SLC6A7: variants seen among roughly 807,000 people sequenced by gnomAD.
SLC6A7 encodes the protein solute carrier family 6 member 7.
SLC6A7 carries 58 observed loss-of-function variants against 73.1 expected under a neutral mutation model. The ratio of observed to expected loss-of-function variants is 0.79; its 90% CI spans 0.64 to 0.99. SLC6A7 has a LOEUF of 0.99. Ranked by LOEUF, SLC6A7 falls within the 50% of genes least tolerant of loss-of-function variation. SLC6A7 has a pLI of 0.00. For missense variants in SLC6A7, 783 were observed against 831.4 expected (o/e 0.94, Z 0.72); for synonymous variants, 338 against 338.7 (o/e 1.00, Z 0.02).
Position 150,205,510 on chromosome 5 carries a change from C to T in SLC6A7, c.1588C>T (p.Arg530Cys), listed in dbSNP as rs757435115. The stretch of plus-strand genomic sequence containing the variant: ...CCAGCCCTCGGAGTATGGCAGTTAC[C>T]GCTTCCCGCCCTGGGCTGAGCTGCT... Reference protein sequence around the residue: ...KYQPSEYGSYRFPPWAELLGI... With the variant: ...KYQPSEYGSYCFPPWAELLGI... Residue 530 changes from arginine to cysteine, a missense_variant, in exon 13 of 14, where the codon CGC becomes TGC. Transcript: ENST00000230671. 1.6e-5 allele frequency: 26 copies of T among 1,613,318 alleles called. No homozygotes were observed. Among genetic ancestry groups the T allele is most frequent in the South Asian group, 6.6e-5 (6 of 91,008 alleles).
Position 150,196,754 on chromosome 5 carries a change from T to G in SLC6A7, c.256T>G (p.Cys86Gly). The G allele has an allele frequency of 6.2e-7, 1 of 1,614,136 alleles. No individual in the cohort carries two copies. Among genetic ancestry groups the G allele is most frequent in the Non-Finnish European group, 8.5e-7 (1 of 1,179,972 alleles). ...LVPYFLMLAICGIPLFFLELS... is the reference protein window; with the variant it reads ...LVPYFLMLAIGGIPLFFLELS... The stretch of plus-strand genomic sequence containing the variant: ...GCCCTACTTCCTCATGCTGGCCATC[T>G]GTGGCATCCCCCTCTTCTTCCTGGA... The change falls in exon 3 of 14, where the codon TGT becomes GGT. Residue 86 changes from cysteine (C) to glycine (G), a missense_variant. Coordinates refer to ENST00000230671, the MANE Select transcript of SLC6A7 (RefSeq NM_014228.5).
Position 150,190,118 on chromosome 5 carries a change from C to T in SLC6A7, c.-210C>T, listed in dbSNP as rs908464063. On this transcript the variant is annotated 5_prime_UTR_variant, in exon 1 of 14. Transcript: ENST00000230671. ...GCAGCAGTGCACCCTTCCCCAGCCT[C>T]GGGCGCTGCGCAGGGACAGACAAGG... 2.2e-6 allele frequency: 1 copy of T among 458,084 alleles called. No individual in the cohort carries two copies. The highest frequency in any genetic ancestry group is 4.5e-5 in the Admixed American group (1 of 22,274). The allele number at this position is 458,084 out of a possible 1,614,324, so 28.4% of individuals were successfully genotyped here.
intron 6 of SLC6A7, among the ~76,000 whole-genome samples, chr5:150,202,102 C>T (rs1418188954): frequency 2.0e-5 from 3 of 152,212 alleles, no homozygotes; most frequent in Admixed American, 1.3e-4. Context: ...AGCTTAGAGA[C>T]CATCTTCTAG....
rs1490242971 is a variant in SLC6A7, at chr5:150,210,014, C to A, written c.*399C>A. 8.5e-6 allele frequency: 2 copies of A among 234,616 alleles called. No individual in the cohort carries two copies. The highest frequency in any genetic ancestry group is 5.0e-5 in the Admixed American group (1 of 20,140). The allele number at this position is 234,616 out of a possible 1,614,324, so 14.5% of individuals were successfully genotyped here. ...TTCTCATCTCTATTCAGGGCCTACA[C>A]CCCTCCCTTTTTGGGGGGAGCCTGT... On this transcript the variant is annotated 3_prime_UTR_variant, in exon 14 of 14. Transcript: ENST00000230671.
In SLC6A7 at chr5:150,197,071, G is replaced by A. The variant is rs1279616885; in HGVS notation, c.379G>A (p.Gly127Ser). The A allele has an allele frequency of 1.3e-5, 21 of 1,614,064 alleles. No individual in the cohort carries two copies. Among genetic ancestry groups the A allele is most frequent in the Non-Finnish European group, 1.8e-5 (21 of 1,180,006 alleles). The change falls in exon 4 of 14, where the codon GGC (glycine) becomes AGC (serine). Residue 127 changes from glycine to serine, a missense_variant. Gly to Ser is a moderately conservative substitution (Grantham distance 56). Transcript: ENST00000230671. ...CGGCGCAGCCATGCTGCTCATCGTG[G>A]GCTTGGTGGCCATCTACTACAACAT... ...GAGAAMLLIV[G>S]LVAIYYNMII... is the part of the protein sequence containing the mutation.
At position 150,207,656 on chromosome 5, in the gene SLC6A7, G is replaced by A. The variant is rs539053373; in HGVS notation, c.1702-1750G>A. On this transcript the variant is annotated intron_variant, in intron 13 of 13. Coordinates refer to ENST00000230671, the MANE Select transcript of SLC6A7 (RefSeq NM_014228.5). The stretch of plus-strand genomic sequence containing the variant: ...TAAAGGTTCAGGATGGAGTCAGGAC[G>A]GGTTCAAATCCCAACGCCACCACTT... Among the ~76,000 whole-genome samples, 87 of 152,310 alleles carry A rather than the reference G, an allele frequency of 5.7e-4. 2 individuals are homozygous for A. The South Asian group carries it at 0.017, about 30-fold the overall frequency.
Position 150,205,624 on chromosome 5 carries a change from G to T in SLC6A7, c.1701+1G>T. The T allele has an allele frequency of 3.1e-6, 5 of 1,604,798 alleles. No homozygotes were observed. Among genetic ancestry groups the T allele is most frequent in the Non-Finnish European group, 4.3e-6 (5 of 1,175,842 alleles). ...TCGAGAAGAGGGCTCACTCTGGGAGGTGAGTCTGCCCACCCTGTCCACTCT... is the reference window on the plus strand; with the variant it reads ...TCGAGAAGAGGGCTCACTCTGGGAGTTGAGTCTGCCCACCCTGTCCACTCT... On this transcript the variant is annotated splice_donor_variant, in intron 13 of 13. Coordinates refer to ENST00000230671, the MANE Select transcript of SLC6A7 (RefSeq NM_014228.5). LOFTEE classifies it high-confidence loss of function.
intron 5 of SLC6A7, among the ~76,000 whole-genome samples, chr5:150,200,755 G>C (rs1167094279): frequency 6.6e-6 from 1 of 152,176 alleles, no homozygotes; most frequent in Non-Finnish European, 1.5e-5. Context: ...AAGAAGGAAA[G>C]AGGGAGGAGT....
At chr5:150,191,679 C>T (rs1752795515) in intron 1 of SLC6A7, among the ~76,000 whole-genome samples, 1 of 152,134 alleles carries the variant, frequency 6.6e-6, no homozygotes, top group South Asian at 2.1e-4. Context: ...ATCCGCCCGC[C>T]TCGGCCTCCC....
In SLC6A7 at chr5:150,209,510, G is replaced by T; in HGVS notation, c.1806G>T (p.Lys602Asn). 6.2e-7 allele frequency: 1 copy of T among 1,614,212 alleles called. No individual in the cohort carries two copies. Among genetic ancestry groups the T allele is most frequent in the Non-Finnish European group, 8.5e-7 (1 of 1,180,022 alleles). Residue 602 changes from lysine (K) to asparagine (N), a missense_variant, in exon 14 of 14, where the codon AAG (lysine) becomes AAT (asparagine). Coordinates refer to ENST00000230671, the MANE Select transcript of SLC6A7 (RefSeq NM_014228.5). ...VATLAGSQSP[K>N]PLMVHMRKYG... is the part of the protein sequence containing the mutation. ...CGCTGGCTGGGAGCCAGTCACCAAA[G>T]CCACTGATGGTGCACATGCGCAAGT...
rs965447156 is a variant in SLC6A7, at chr5:150,209,474, G to A, written c.1770G>A (p.Met590Ile). ...GPSLEENRTG[M>I]YVATLAGSQS... The stretch of plus-strand genomic sequence containing the variant: ...CGCTGGAGGAGAACCGGACGGGCAT[G>A]TATGTGGCCACGCTGGCTGGGAGCC... Residue 590 changes from methionine (M) to isoleucine (I), a missense_variant, in exon 14 of 14, where the codon ATG (methionine) becomes ATA (isoleucine). Transcript: ENST00000230671. 2.5e-6 allele frequency: 4 copies of A among 1,614,208 alleles called. No homozygotes were observed. Among genetic ancestry groups the A allele is most frequent in the East Asian group, 2.2e-5 (1 of 44,886 alleles).
intron 13 of SLC6A7, among the ~76,000 whole-genome samples, chr5:150,206,826 G>A (rs528814727): frequency 6.6e-6 from 1 of 152,344 alleles, no homozygotes; most frequent in South Asian, 2.1e-4. Context: ...CCAGCTCCCA[G>A]GAAGCTCATG....
intron 4 of SLC6A7, 99 bp from the exon 5 acceptor site, chr5:150,199,129 G>T: frequency 7.0e-7 from 1 of 1,434,114 alleles, no homozygotes; most frequent in South Asian, 1.6e-5. Context: ...GTCAAGTGGA[G>T]AACAGCAGTA....
chr5:150,191,672 C>T (rs1580849458), intron 1 of SLC6A7, among the ~76,000 whole-genome samples: 1 of 152,200 alleles, frequency 6.6e-6, no homozygotes, highest in African/African-American at 2.4e-5. Flanking sequence ...CCTCGTGATC[C>T]GCCCGCCTCG....
chr5:150,207,086 C>T (rs60964011), intron 13 of SLC6A7, among the ~76,000 whole-genome samples: 12,647 of 152,244 alleles, frequency 0.083, 1,346 homozygotes, highest in African/African-American at 0.24. Flanking sequence ...GCCAGCCTCG[C>T]GGCCCTAAGC....
intron 11 of SLC6A7, 80 bp downstream of exon 11, chr5:150,204,711 G>A: frequency 1.5e-6 from 2 of 1,371,966 alleles, no homozygotes; most frequent in Non-Finnish European, 2.1e-6. Context: ...CCCAGTACCT[G>A]GGTCCCTGGT....
intron 2 of SLC6A7, among the ~76,000 whole-genome samples, chr5:150,195,891 G>A (rs1051347842): frequency 1.3e-5 from 2 of 152,190 alleles, no homozygotes; most frequent in African/African-American, 4.8e-5. Context: ...TCCTCTCTGT[G>A]TGCTGACCTC....
intron 13 of SLC6A7, among the ~76,000 whole-genome samples, chr5:150,206,409 G>A (rs911520078): frequency 1.3e-5 from 2 of 152,168 alleles, no homozygotes; most frequent in African/African-American, 2.4e-5. Context: ...TGAGCTAGGT[G>A]TTCAACCATT....
intron 1 of SLC6A7, among the ~76,000 whole-genome samples, 158 bp from the exon 2 acceptor site, chr5:150,194,570 G>A (rs552475592): frequency 2.0e-5 from 3 of 152,266 alleles, no homozygotes; most frequent in Non-Finnish European, 2.9e-5. Flanking sequence ...AGGCTCTCCT[G>A]CATATGACAA....
Sources: allele counts gnomAD v4.1 joint callset (sites outside exome capture counted in the v4.1 genomes callset), GRCh38; gene constraint gnomAD v4.1.1; transcripts MANE v1.5; gene names NCBI Gene and HGNC (gene_info 2026-07-23, HGNC 2026-07-21).